RGS22: variants seen among roughly 807,000 people sequenced by gnomAD.
RGS22 encodes regulator of G protein signaling 22, also known as regulator of G-protein signaling 22.
RGS22 carries 148 observed loss-of-function variants against 172.9 expected under a neutral mutation model. That is an observed-to-expected ratio of 0.86 (90% CI 0.75 to 0.98). The LOEUF is 0.98. RGS22 is among the 50% of genes least tolerant of loss of function. The probability of loss-of-function intolerance (pLI) is 0.00; values close to 1 mark genes in which losing one functional copy is unlikely to be tolerated. For synonymous variants in RGS22, 458 were observed against 480.2 expected (o/e 0.95, Z 0.60); for missense variants, 1,347 against 1,440.8 (o/e 0.93, Z 1.05).
At position 99,976,362 on chromosome 8, in the gene RGS22, G is replaced by A. The variant is rs563447712; in HGVS notation, c.3519+1555C>T. The stretch of plus-strand genomic sequence containing the variant: ...ATGAAACACTGTCTTTTGTTTGTTT[G>A]TTTGTTTGTTTGTTTTTGAGACGGA... On this transcript the variant is annotated intron_variant, in intron 23 of 27. Coordinates refer to ENST00000360863, the MANE Select transcript of RGS22 (RefSeq NM_015668.5). 6.6e-5 allele frequency among the ~76,000 whole-genome samples: 10 copies of A among 152,026 alleles called. No homozygotes were observed. In the East Asian group the frequency reaches 1.6e-3, roughly 24 times the overall value.
At position 100,048,088 on chromosome 8, in the gene RGS22, T is replaced by C. The variant is rs76842059; in HGVS notation, c.1690-492A>G. Among the ~76,000 whole-genome samples, 184 of 152,240 alleles carry C rather than the reference T, an allele frequency of 1.2e-3. 4 individuals carry two copies. In the East Asian group the frequency reaches 0.032, roughly 27 times the overall value. ...CTTCCATTTTGGGACATTTATTTCA[T>C]GGTTATTTTTCCCATTCTTAGAGTT... On this transcript the variant is annotated intron_variant, in intron 10 of 27. Transcript: ENST00000360863.
chr8:100,102,217 G>C lies in RGS22; in HGVS notation c.54+3157C>G, dbSNP rs371942162. Among the ~76,000 whole-genome samples, 4 of 152,310 alleles carry C rather than the reference G, an allele frequency of 2.6e-5. No homozygotes were observed. The East Asian group carries it at 7.7e-4, about 29-fold the overall frequency. ...TGTGTGACCTAAGGGTCCATTATTT[G>C]ATCTCTATAAACATCAGCTCTCCAG... On this transcript the variant is annotated intron_variant, in intron 2 of 27. Coordinates refer to ENST00000360863, the MANE Select transcript of RGS22 (RefSeq NM_015668.5).
At chr8:100,030,434 G>A (rs1818665754) in intron 14 of RGS22, among the ~76,000 whole-genome samples, 1 of 152,158 alleles carries the variant, frequency 6.6e-6, no homozygotes. Context: ...GCTTCAGGAG[G>A]AATCCCAGAA....
intron 2 of RGS22, among the ~76,000 whole-genome samples, chr8:100,099,465 C>A (rs1016547616): frequency 3.3e-5 from 5 of 152,156 alleles, no homozygotes; most frequent in Non-Finnish European, 5.9e-5. Flanking sequence ...TTAATTCAAA[C>A]CTCACACTTA....
intron 14 of RGS22, 58 bp from the exon 15 acceptor site, chr8:100,008,627 GACA>G: frequency 7.4e-7 from 1 of 1,350,116 alleles, no homozygotes; most frequent in Non-Finnish European, 1.0e-6. Context: ...ATGGTTAGCA[GACA>G]CCTCAACATA....
rs1554611096 is a variant in RGS22, at chr8:100,001,202, T to TATATATATA, written c.2790+999_2790+1000insTATATATAT. ...AAACCTACCGCTGAATCCCAATTTT[T>TATATATATA]TATATATATATATATATACATATAT... is the stretch of plus-strand genomic sequence containing the variant. On this transcript the variant is annotated intron_variant, in intron 18 of 27. Transcript: ENST00000360863. 5.5e-3 allele frequency among the ~76,000 whole-genome samples: 687 copies of TATATATATA among 124,744 alleles called. 9 individuals carry two copies. The highest frequency in any genetic ancestry group is 0.019 in the African/African-American group (627 of 32,534). The allele number at this position is 124,744 out of a possible 152,430, so 81.8% of individuals were successfully genotyped here.
intron 20 of RGS22, among the ~76,000 whole-genome samples, chr8:99,990,880 C>T (rs1341402054): frequency 6.6e-6 from 1 of 152,188 alleles, no homozygotes; most frequent in Non-Finnish European, 1.5e-5. Context: ...CTCATATAGG[C>T]AGCTACCCCT....
In RGS22 at chr8:99,998,042, T is replaced by C. The variant is rs1814578060; in HGVS notation, c.2949+1220A>G. ...AATGACATCTTTCATATAGTACATG[T>C]GGAAATCTCATTTTTATTTTTTAAT... On this transcript the variant is annotated intron_variant, in intron 19 of 27. Transcript: ENST00000360863. Among the ~76,000 whole-genome samples, 3 of 152,344 alleles carry C rather than the reference T, an allele frequency of 2.0e-5. No homozygotes were observed. The South Asian group carries it at 6.2e-4, about 32-fold the overall frequency.
intron 23 of RGS22, among the ~76,000 whole-genome samples, chr8:99,972,830 G>A (rs1382909628): frequency 3.3e-5 from 5 of 151,900 alleles, no homozygotes; most frequent in African/African-American, 1.2e-4. Context: ...TCAGGAGATC[G>A]AGACCGACCA....
chr8:99,971,108 C>G (rs1811290973), intron 23 of RGS22, among the ~76,000 whole-genome samples: 1 of 152,172 alleles, frequency 6.6e-6, no homozygotes, highest in South Asian at 2.1e-4. Flanking sequence ...ACCACATAAA[C>G]AGAACCAATG....
chr8:100,024,428 G>A (rs987301837), intron 14 of RGS22, among the ~76,000 whole-genome samples: 1 of 152,084 alleles, frequency 6.6e-6, no homozygotes, highest in Non-Finnish European at 1.5e-5. Flanking sequence ...TTTATAATAC[G>A]TTGCTACAAA....
intron 2 of RGS22, among the ~76,000 whole-genome samples, chr8:100,095,043 CACCTGGTGGACGTAAGTATT>C (rs2132010676): frequency 6.6e-6 from 1 of 152,316 alleles, no homozygotes; most frequent in East Asian, 1.9e-4. Flanking sequence ...TATTTCATAG[CACCTGGTGGACGTAAGTATT>C]GCCTAGAATT....
At chr8:100,090,835 C>A (rs1812522228) in intron 3 of RGS22, among the ~76,000 whole-genome samples, 1 of 152,014 alleles carries the variant, frequency 6.6e-6, no homozygotes, top group African/African-American at 2.4e-5. Flanking sequence ...AAATAAAGAT[C>A]AAGAGATAGC....
chr8:99,975,061 G>A (rs944336770), intron 23 of RGS22, among the ~76,000 whole-genome samples: 2 of 151,808 alleles, frequency 1.3e-5, no homozygotes, highest in African/African-American at 4.8e-5. Context: ...CAGAAGAATC[G>A]CTTGATCATG....
intron 14 of RGS22, 75 bp from the exon 15 acceptor site, chr8:100,008,644 AT>A: frequency 8.6e-7 from 1 of 1,164,310 alleles, no homozygotes; most frequent in Non-Finnish European, 1.2e-6. Flanking sequence ...CAACATAGGC[AT>A]TTTTTAAAAA....
chr8:100,017,217 T>C (rs1817085373), intron 14 of RGS22, among the ~76,000 whole-genome samples: 1 of 152,030 alleles, frequency 6.6e-6, no homozygotes, highest in Admixed American at 6.6e-5. Context: ...CAAGTGATCC[T>C]TCCCTCTTGG....
At chr8:100,073,429 CA>C (rs10716433) in intron 4 of RGS22, among the ~76,000 whole-genome samples, 97,209 of 142,460 alleles carry the variant, frequency 0.68, 33,167 homozygotes, top group African/African-American at 0.87. Context: ...AAAAACAAAA[CA>C]AAAAAAAAAA....
At chr8:100,082,021 A>G (rs143202172) in intron 3 of RGS22, among the ~76,000 whole-genome samples, 96 of 152,096 alleles carry the variant, frequency 6.3e-4, no homozygotes, top group African/African-American at 2.2e-3. Flanking sequence ...GGATAAATAA[A>G]ACATTTCCTA....
chr8:100,052,492 G>A (rs1168689060), intron 10 of RGS22, among the ~76,000 whole-genome samples: 2 of 151,364 alleles, frequency 1.3e-5, no homozygotes, highest in African/African-American at 4.9e-5. Flanking sequence ...TAGTAGAGAC[G>A]GGGTTTCACC....
Sources: allele counts gnomAD v4.1 joint callset (sites outside exome capture counted in the v4.1 genomes callset), GRCh38; gene constraint gnomAD v4.1.1; transcripts MANE v1.5; gene names NCBI Gene and HGNC (gene_info 2026-07-23, HGNC 2026-07-21).